CEP192: variants seen among roughly 807,000 people sequenced by gnomAD.
The protein encoded by CEP192 is centrosomal protein 192, also known as centrosomal protein of 192 kDa.
A neutral mutation model predicts 271.8 loss-of-function variants in CEP192; 151 were observed. The ratio of observed to expected loss-of-function variants is 0.56; its 90% confidence interval spans 0.49 to 0.64. The LOEUF is 0.64. CEP192 is among the 30% of genes least tolerant of loss of function. CEP192 has a pLI of 0.00. For missense variants in CEP192, 2,910 were observed against 3,020.5 expected (o/e 0.96, Z 0.86); for synonymous variants, 995 against 1,076.5 (o/e 0.92, Z 1.48).
chr18:13,009,631 A>C (rs2034209694), intron 4 of CEP192, among the ~76,000 whole-genome samples: 1 of 152,004 alleles, frequency 6.6e-6, no homozygotes, highest in South Asian at 2.1e-4. Flanking sequence ...TCAGAAGTTC[A>C]AGACTAGCCT....
intron 17 of CEP192, among the ~76,000 whole-genome samples, chr18:13,051,249 G>A (rs1452234333): frequency 1.3e-5 from 2 of 152,008 alleles, no homozygotes; most frequent in African/African-American, 4.8e-5. Context: ...TTCATTATTT[G>A]AGATAATTTC....
At chr18:13,098,297 TG>T (rs1568414418) in intron 36 of CEP192, among the ~76,000 whole-genome samples, 1 of 148,430 alleles carries the variant, frequency 6.7e-6, no homozygotes, top group Non-Finnish European at 1.5e-5. Flanking sequence ...CCCTCCTGGA[TG>T]GGGCGGCTGG....
At position 13,055,907 on chromosome 18, in the gene CEP192, C is replaced by G. The variant is rs779023345; in HGVS notation, c.3317C>G (p.Ser1106Cys). Reference sequence around the variant, plus strand: ...AATAGAGGAAAAGGAACATTATCATCTATTATCCAGAATAACTCTGATACA... The same window carrying G: ...AATAGAGGAAAAGGAACATTATCATGTATTATCCAGAATAACTCTGATACA... ...FQNRGKGTLS[S>C]IIQNNSDTRK... The change falls in exon 19 of 45, where the codon TCT (serine) becomes TGT (cysteine). Residue 1106 changes from serine to cysteine, a missense_variant. Physicochemically the swap from Ser to Cys is moderately radical, Grantham distance 112. Transcript: ENST00000506447. 1 of 1,614,044 alleles carries G rather than the reference C, an allele frequency of 6.2e-7. No homozygotes were observed. The highest frequency in any genetic ancestry group is 1.1e-5 in the South Asian group (1 of 91,038).
chr18:13,068,643 T>C (rs2037843722), intron 24 of CEP192, among the ~76,000 whole-genome samples: 1 of 152,262 alleles, frequency 6.6e-6, no homozygotes, highest in African/African-American at 2.4e-5. Flanking sequence ...GAATATTTTC[T>C]GTTAATTGAT....
At chr18:13,104,232 C>T (rs1389351830) in intron 39 of CEP192, among the ~76,000 whole-genome samples, 1 of 152,154 alleles carries the variant, frequency 6.6e-6, no homozygotes, top group African/African-American at 2.4e-5. Context: ...GGCTTTTCCC[C>T]TCATGTTCTG....
intron 35 of CEP192, 112 bp from the exon 36 acceptor site, chr18:13,096,072 A>C: frequency 1.9e-6 from 2 of 1,076,848 alleles, no homozygotes. Flanking sequence ...GCAGTTGAGA[A>C]AGCAGTAGCA....
chr18:13,021,986 A>G (rs1224607894), intron 9 of CEP192, among the ~76,000 whole-genome samples: 1 of 152,142 alleles, frequency 6.6e-6, no homozygotes, highest in Non-Finnish European at 1.5e-5. Context: ...GTTATCTTCT[A>G]GGAGTTTTAT....
rs550119320 is a variant in CEP192 at position 13,045,030 on chromosome 18, T to C, written c.2067+2696T>C. Among the ~76,000 whole-genome samples, 24 of 152,274 alleles carry C rather than the reference T, an allele frequency of 1.6e-4. No homozygotes were observed. In the South Asian group the frequency reaches 5.0e-3, roughly 32 times the overall value. ...TGTAATCTTCCTCTACACTTGAAAA[T>C]TTATTTTACTATCATGCTGACCATA... On this transcript the variant is annotated intron_variant, in intron 15 of 44. Transcript: ENST00000506447.
intron 36 of CEP192, among the ~76,000 whole-genome samples, chr18:13,096,510 T>C (rs1282899198): frequency 6.6e-6 from 1 of 152,230 alleles, no homozygotes; most frequent in Non-Finnish European, 1.5e-5. Flanking sequence ...TGCACACAGC[T>C]GGTTATGCTG....
chr18:13,008,730 T>C, intron 4 of CEP192, 99 bp downstream of exon 4: 3 of 946,336 alleles, frequency 3.2e-6, no homozygotes, highest in Non-Finnish European at 4.7e-6. Flanking sequence ...TGAGGCAGGG[T>C]CGCACTCCTG....
At chr18:13,007,016 C>T (rs547414263) in intron 3 of CEP192, among the ~76,000 whole-genome samples, 7 of 152,126 alleles carry the variant, frequency 4.6e-5, no homozygotes, top group Non-Finnish European at 7.4e-5. Flanking sequence ...TCCTGCCCTC[C>T]CCGACTCCCT....
chr18:13,055,492 T>C (rs1477189441), intron 18 of CEP192, among the ~76,000 whole-genome samples: 1 of 152,216 alleles, frequency 6.6e-6, no homozygotes, highest in East Asian at 1.9e-4. Context: ...TTCAAAAAGT[T>C]ACTAGACTCT....
At chr18:13,033,854 A>T (rs1468724528) in intron 11 of CEP192, among the ~76,000 whole-genome samples, 1 of 152,236 alleles carries the variant, frequency 6.6e-6, no homozygotes, top group African/African-American at 2.4e-5. Context: ...GAGGATGTAC[A>T]TACAGATATT....
intron 14 of CEP192, among the ~76,000 whole-genome samples, chr18:13,041,581 CT>C (rs1173852772): frequency 0.02 from 2,796 of 141,426 alleles, 65 homozygotes; most frequent in African/African-American, 0.065. Flanking sequence ...GAGACAGTCT[CT>C]TTTTTTTTTT....
chr18:13,025,744 C>T (rs2143409445), intron 9 of CEP192, among the ~76,000 whole-genome samples: 1 of 152,226 alleles, frequency 6.6e-6, no homozygotes, highest in East Asian at 1.9e-4. Context: ...TTCCTTGTAT[C>T]ATTGCTATCA....
intron 36 of CEP192, among the ~76,000 whole-genome samples, chr18:13,097,916 C>T (rs1363296676): frequency 1.3e-5 from 2 of 152,168 alleles, no homozygotes; most frequent in African/African-American, 4.8e-5. Flanking sequence ...ATCCATTCAA[C>T]CCTGAGTGGA....
intron 15 of CEP192, among the ~76,000 whole-genome samples, chr18:13,042,542 G>A (rs969613347): frequency 2.6e-5 from 4 of 152,150 alleles, no homozygotes; most frequent in African/African-American, 4.8e-5. Flanking sequence ...AAACAGATTT[G>A]TAGTCAATGA....
chr18:13,068,652 A>G (rs1244076179), intron 24 of CEP192, among the ~76,000 whole-genome samples, 200 bp from the exon 25 acceptor site: 1 of 152,152 alleles, frequency 6.6e-6, no homozygotes, highest in Non-Finnish European at 1.5e-5. Flanking sequence ...CTGTTAATTG[A>G]TCTTATCACA....
At chr18:13,048,652 T>C (rs1245894837) in intron 15 of CEP192, among the ~76,000 whole-genome samples, 2 of 152,220 alleles carry the variant, frequency 1.3e-5, no homozygotes, top group Non-Finnish European at 2.9e-5. Flanking sequence ...AAGTGCTTAG[T>C]TAAGATGGAA....
Sources: gnomAD v4.1 joint callset for allele counts (sites outside exome capture counted in the v4.1 genomes callset) on GRCh38, gnomAD v4.1.1 for gene constraint, MANE v1.5 for transcripts, NCBI Gene and HGNC (gene_info 2026-07-23, HGNC 2026-07-21) for gene names.